Variants in GPD1L observed in about 807,000 individuals in gnomAD.
The protein encoded by GPD1L is glycerol-3-phosphate dehydrogenase 1-like protein.
Under a neutral mutation model 32.9 loss-of-function variants are expected in GPD1L, and 17 were observed. The ratio of observed to expected loss-of-function variants is 0.52; its 90% CI spans 0.35 to 0.78. GPD1L has a LOEUF of 0.78. GPD1L is among the 30% of genes least tolerant of loss of function. The probability of loss-of-function intolerance (pLI) is 0.01; values close to 1 mark genes in which losing one functional copy is unlikely to be tolerated. For missense variants in GPD1L, 361 were observed against 447.8 expected (o/e 0.81, Z 1.75); for synonymous variants, 187 against 165.9 (o/e 1.13, Z -0.98).
chr3:32,158,605 T>C, intron 5 of GPD1L: 6 of 611,056 alleles, frequency 9.8e-6, no homozygotes, highest in Non-Finnish European at 1.7e-5. Context: ...CAAAGACTAC[T>C]ATCAGCCGTT....
chr3:32,147,973 G>A (rs939636219), intron 5 of GPD1L, among the ~76,000 whole-genome samples: 3 of 152,186 alleles, frequency 2.0e-5, no homozygotes, highest in African/African-American at 4.8e-5. Context: ...ATTTCTAAGC[G>A]CCTGTGTGGG....
chr3:32,130,626 G>C lies in GPD1L; in HGVS notation c.225+2373G>C, dbSNP rs560004911. Among the ~76,000 whole-genome samples the C allele has an allele frequency of 6.7e-4, 102 of 152,244 alleles. 1 individual carries two copies. In the South Asian group the frequency reaches 0.017, roughly 25 times the overall value. ...TCATTGCCTGCTCACTAAAAGCTGA[G>C]CCCGTCTGGATTTGCGATTTCCCTT... On this transcript the variant is annotated intron_variant, in intron 2 of 7. Transcript: ENST00000282541.
At chr3:32,139,159 G>A (rs1700705491) in intron 3 of GPD1L, among the ~76,000 whole-genome samples, 1 of 152,162 alleles carries the variant, frequency 6.6e-6, no homozygotes, top group South Asian at 2.1e-4. Context: ...TTTAAATGTG[G>A]TGGAAAAAAA....
At position 32,106,812 on chromosome 3, in the gene GPD1L, C is replaced by A; in HGVS notation, c.47+54C>A. 1.3e-6 allele frequency: 2 copies of A among 1,517,084 alleles called. No homozygotes were observed. The highest frequency in any genetic ancestry group is 1.9e-4 in the Middle Eastern group (1 of 5,398). 94.0% of individuals were successfully genotyped at this position (1,517,084 alleles called of 1,614,324 possible). On this transcript the variant is annotated intron_variant, in intron 1 of 7. Transcript: ENST00000282541. The surrounding 1 kb of genome is among the most constrained non-coding windows in gnomAD (Gnocchi z 4.0). Reference sequence around the variant, plus strand: ...CTCCGCTTCCAGGAAGCGCCTCTCCCGGGCGGTGAGGGCTGCGCGCCCCAT... The same window carrying A: ...CTCCGCTTCCAGGAAGCGCCTCTCCAGGGCGGTGAGGGCTGCGCGCCCCAT...
chr3:32,144,853 A>C (rs1553660472), intron 4 of GPD1L, among the ~76,000 whole-genome samples: 3 of 146,674 alleles, frequency 2.0e-5, no homozygotes, highest in Admixed American at 6.8e-5. Context: ...ACACACACAC[A>C]CCACCACGCC....
In GPD1L at chr3:32,106,766, G is replaced by A; in HGVS notation, c.47+8G>A. On this transcript the variant is annotated splice_region_variant and intron_variant, in intron 1 of 7. Coordinates refer to ENST00000282541, the MANE Select transcript of GPD1L (RefSeq NM_015141.4). This position sits in a 1 kb window ranked among gnomAD's most constrained non-coding sequence, Gnocchi z 4.0. ...CGTGGGCTCGGGGAACTGGTGAGCG[G>A]CGGCGGGCTGGAGGCCGGGGCTCCG... The A allele has an allele frequency of 6.4e-7, 1 of 1,559,204 alleles. No homozygotes were observed.
At position 32,166,021 on chromosome 3, in the gene GPD1L, A is replaced by T. The variant is rs1243507188; in HGVS notation, c.*111A>T. On this transcript the variant is annotated 3_prime_UTR_variant, in exon 8 of 8. Transcript: ENST00000282541. ...ATGTTTGACTGTAATCTCATCACGG[A>T]TATGTATGAATTTTTACAGGTTCGT... 6.8e-6 allele frequency: 5 copies of T among 732,070 alleles called. No individual in the cohort carries two copies. In the African/African-American group the frequency reaches 7.0e-5, roughly 10 times the overall value. The allele number at this position is 732,070 out of a possible 1,614,324, so 45.3% of individuals were successfully genotyped here.
rs1451444270 is a variant in GPD1L, at chr3:32,165,943, G to C, written c.*33G>C. 8.3e-7 allele frequency: 1 copy of C among 1,197,734 alleles called. No individual in the cohort carries two copies. The highest frequency in any genetic ancestry group is 1.5e-5 in the African/African-American group (1 of 66,946). The allele number at this position is 1,197,734 out of a possible 1,614,324, so 74.2% of individuals were successfully genotyped here. On this transcript the variant is annotated 3_prime_UTR_variant, in exon 8 of 8. Coordinates refer to ENST00000282541, the MANE Select transcript of GPD1L (RefSeq NM_015141.4). ...CATGCAACGTGTTGGGGGAAGTTCTGCCTTTCTGATCAATCTTTTGGGTTC... is the reference window on the plus strand; with the variant it reads ...CATGCAACGTGTTGGGGGAAGTTCTCCCTTTCTGATCAATCTTTTGGGTTC...
chr3:32,123,791 AAGATAGAT>A (rs564716825), intron 1 of GPD1L, among the ~76,000 whole-genome samples: 95 of 126,994 alleles, frequency 7.5e-4, no homozygotes, highest in Admixed American at 2.6e-3. Context: ...CAGGAATTGA[AAGATAGAT>A]AGATAGATAG....
chr3:32,127,352 T>A (rs1559572756), intron 1 of GPD1L, among the ~76,000 whole-genome samples: 1 of 152,216 alleles, frequency 6.6e-6, no homozygotes, highest in Non-Finnish European at 1.5e-5. Context: ...CATGGCCCCA[T>A]CAGCAGCTTC....
chr3:32,109,697 G>A (rs1263887666), intron 1 of GPD1L, among the ~76,000 whole-genome samples: 3 of 152,240 alleles, frequency 2.0e-5, no homozygotes, highest in Non-Finnish European at 2.9e-5. Context: ...AAGCCCCAGA[G>A]GAGTGTTCAG....
chr3:32,152,604 C>A (rs1250853268), intron 5 of GPD1L, among the ~76,000 whole-genome samples: 1 of 152,050 alleles, frequency 6.6e-6, no homozygotes, highest in African/African-American at 2.4e-5. Flanking sequence ...TAAGGAAAAG[C>A]CTCAGTCCAT....
intron 5 of GPD1L, among the ~76,000 whole-genome samples, chr3:32,150,582 G>T (rs1247526517): frequency 6.6e-6 from 1 of 151,680 alleles, no homozygotes. Flanking sequence ...TGCCTTCCAG[G>T]TTCAAGGAAT....
At chr3:32,128,759 G>A (rs1700547877) in intron 2 of GPD1L, among the ~76,000 whole-genome samples, 1 of 152,132 alleles carries the variant, frequency 6.6e-6, no homozygotes, top group Admixed American at 6.5e-5. Flanking sequence ...TTCCTCCTTG[G>A]CATTCAAAGT....
At chr3:32,158,692 C>A in intron 5 of GPD1L, 184 bp from the exon 6 acceptor site, 2 of 1,339,386 alleles carry the variant, frequency 1.5e-6, no homozygotes, top group Non-Finnish European at 1.0e-6. Context: ...AATATGGAAG[C>A]CCTGTCTCTC....
intron 5 of GPD1L, 29 bp from the exon 6 acceptor site, chr3:32,158,847 G>C (rs1277768428): frequency 1.2e-6 from 2 of 1,609,166 alleles, no homozygotes; most frequent in South Asian, 2.2e-5. Context: ...TGCTGTAACG[G>C]CATCTGGGCT....
intron 2 of GPD1L, among the ~76,000 whole-genome samples, chr3:32,135,784 G>T (rs1378339046): frequency 6.6e-6 from 1 of 152,294 alleles, no homozygotes; most frequent in African/African-American, 2.4e-5. Flanking sequence ...AATAGAATCA[G>T]AAAATGCTTT....
chr3:32,145,224 C>T (rs1007849352), intron 4 of GPD1L, among the ~76,000 whole-genome samples: 14 of 151,942 alleles, frequency 9.2e-5, no homozygotes, highest in East Asian at 5.9e-4. Context: ...GAGGCTGAGG[C>T]GGGAGAATCG....
rs970144926 is a variant in GPD1L at position 32,106,786 on chromosome 3, G to A, written c.47+28G>A. On this transcript the variant is annotated intron_variant, in intron 1 of 7. Coordinates refer to ENST00000282541, the MANE Select transcript of GPD1L (RefSeq NM_015141.4). The surrounding 1 kb of genome is among the most constrained non-coding windows in gnomAD (Gnocchi z 4.0). The stretch of plus-strand genomic sequence containing the variant: ...GAGCGGCGGCGGGCTGGAGGCCGGG[G>A]CTCCGCTTCCAGGAAGCGCCTCTCC... 2 of 1,549,052 alleles carry A rather than the reference G, an allele frequency of 1.3e-6. No homozygotes were observed. The highest frequency in any genetic ancestry group is 5.2e-5 in the East Asian group (2 of 38,774).
Sources: allele counts gnomAD v4.1 joint callset (sites outside exome capture counted in the v4.1 genomes callset), GRCh38; gene constraint gnomAD v4.1.1; non-coding constraint Gnocchi (gnomAD v3.1); transcripts MANE v1.5; gene names NCBI Gene and HGNC (gene_info 2026-07-23, HGNC 2026-07-21).